The following PDP1 variants were observed in gnomAD, a reference collection of about 807,000 sequenced individuals.
PDP1 encodes the protein pyruvate dehydrogenase phosphatase catalytic subunit 1, also known as pyruvate dehyrogenase phosphatase catalytic subunit 1.
PDP1 carries 14 observed loss-of-function variants against 37.1 expected under a neutral mutation model. That is an observed-to-expected ratio of 0.38 (90% CI 0.25 to 0.59). The LOEUF (loss-of-function observed/expected upper bound fraction) is 0.59, where lower values mean the gene tolerates loss of function less well. PDP1 is among the 20% of genes least tolerant of loss of function. PDP1 has a pLI of 0.67. For synonymous variants in PDP1, 251 were observed against 243.3 expected (o/e 1.03, Z -0.29); for missense variants, 544 against 655.3 (o/e 0.83, Z 1.85).
Position 93,916,936 on chromosome 8 carries a change from G to T in PDP1, c.-188G>T, listed in dbSNP as rs756885157. 1 of 389,748 alleles carries T rather than the reference G, an allele frequency of 2.6e-6. No individual in the cohort carries two copies. The highest frequency in any genetic ancestry group is 1.8e-5 in the South Asian group (1 of 54,702). The allele number at this position is 389,748 out of a possible 1,614,324, so 24.1% of individuals were successfully genotyped here. The stretch of plus-strand genomic sequence containing the variant: ...GCGGGGCAGGGTGGCGGCCCCGCAC[G>T]GTAGGGGAGCAGAGTGGGCAGGCCG... On this transcript the variant is annotated 5_prime_UTR_variant, in exon 1 of 2. Transcript: ENST00000297598.
chr8:93,923,511 CCACGCTGTGGGCAA>C lies in PDP1; in HGVS notation c.1455_1468del (p.His485GlnfsTer7), dbSNP rs771873073. On this transcript the variant is annotated frameshift_variant, in exon 2 of 2. Transcript: ENST00000297598. LOFTEE classifies it high-confidence loss of function. The surrounding 1 kb of genome is among the most constrained non-coding windows in gnomAD (Gnocchi z 4.3). ...AGAACGCAGCAACCCATCTCATTCG[CCACGCTGTGGGCAA>C]CAACGAGTTTGGGACTGTTGATCAT... 6.2e-6 allele frequency: 10 copies of C among 1,606,802 alleles called. No individual in the cohort carries two copies. Among genetic ancestry groups the C allele is most frequent in the Non-Finnish European group, 8.5e-6 (10 of 1,173,900 alleles).
rs755900273 is a variant in PDP1, at chr8:93,923,088, G to C, written c.1029G>C (p.Leu343=). ...AGAGTGTCGTGAAACAGGATCGGCT[G>C]CTTGGCTTGCTGATGCCATTTAGGG... ...EAKSVVKQDR[L]LGLLMPFRAF... is the part of the protein sequence containing the mutation. The change falls in exon 2 of 2, where the codon CTG becomes CTC. Residue 343 remains leucine, a synonymous_variant. Coordinates refer to ENST00000297598, the MANE Select transcript of PDP1 (RefSeq NM_018444.4). The surrounding 1 kb of genome is among the most constrained non-coding windows in gnomAD (Gnocchi z 4.3). The C allele has an allele frequency of 4.7e-5, 76 of 1,614,044 alleles. No individual in the cohort carries two copies. Among genetic ancestry groups the C allele is most frequent in the Non-Finnish European group, 6.1e-5 (72 of 1,180,034 alleles).
Position 93,923,853 on chromosome 8 carries a change from C to T in PDP1, c.*180C>T, listed in dbSNP as rs577643189. ...AGCAGGGTGGCAGGGTCAGGAGAGT[C>T]TGGTCCTGCCTAGCTCAGATTTCAT... On this transcript the variant is annotated 3_prime_UTR_variant, in exon 2 of 2. Transcript: ENST00000297598. The surrounding 1 kb of genome is among the most constrained non-coding windows in gnomAD (Gnocchi z 4.3). The T allele has an allele frequency of 1.6e-6, 1 of 614,380 alleles. No individual in the cohort carries two copies. 38.1% of individuals were successfully genotyped at this position (614,380 alleles called of 1,614,324 possible).
rs1422544101 is a variant in PDP1, at chr8:93,925,678, G to A, written c.*2005G>A. ...AAATGCAGCATGAAGTTGACATTGT[G>A]GAAATGAAAGTAATTGGGTATTAGA... On this transcript the variant is annotated 3_prime_UTR_variant, in exon 2 of 2. Transcript: ENST00000297598. 1 of 166,988 alleles carries A rather than the reference G, an allele frequency of 6.0e-6. No homozygotes were observed. The highest frequency in any genetic ancestry group is 1.5e-5 in the Non-Finnish European group (1 of 68,098). 10.3% of individuals were successfully genotyped at this position (166,988 alleles called of 1,614,324 possible).
In PDP1 at chr8:93,924,589, T is replaced by C. The variant is rs1242327547; in HGVS notation, c.*916T>C. 1.2e-5 allele frequency: 2 copies of C among 167,110 alleles called. No individual in the cohort carries two copies. Among genetic ancestry groups the C allele is most frequent in the African/African-American group, 4.8e-5 (2 of 41,470 alleles). 10.4% of individuals were successfully genotyped at this position (167,110 alleles called of 1,614,324 possible). On this transcript the variant is annotated 3_prime_UTR_variant, in exon 2 of 2. Coordinates refer to ENST00000297598, the MANE Select transcript of PDP1 (RefSeq NM_018444.4). Reference sequence around the variant, plus strand: ...AATCGTACTTCTTATTTAGTAATGATAAGACTTTTCATTATTTTTGGAATT... The same window carrying C: ...AATCGTACTTCTTATTTAGTAATGACAAGACTTTTCATTATTTTTGGAATT...
rs191056577 is a variant in PDP1 at position 93,917,732 on chromosome 8, C to G, written c.-45+653C>G. 759 of 1,332,582 alleles carry G rather than the reference C, an allele frequency of 5.7e-4. 4 individuals are homozygous for G. In the African/African-American group the frequency reaches 9.0e-3, roughly 16 times the overall value. 82.5% of individuals were successfully genotyped at this position (1,332,582 alleles called of 1,614,324 possible). On this transcript the variant is annotated intron_variant, in intron 1 of 1. Transcript: ENST00000297598. ...TTATCCCTCCTCCATCCTCTTCCCC[C>G]CCACCTCCCAGCCCATTCACCGGGC...
At chr8:93,920,493 C>G (rs776080608) in intron 1 of PDP1, 16 of 928,812 alleles carry the variant, frequency 1.7e-5, no homozygotes, top group Non-Finnish European at 1.9e-5. Context: ...CTCAAGAATT[C>G]AGGGAAAATA....
At position 93,922,859 on chromosome 8, in the gene PDP1, T is replaced by G; in HGVS notation, c.800T>G (p.Val267Gly). ...TTTCTCAACTACCTGGTGCTTCGAG[T>G]GGCATTTTCTGGAGCCACTGCTTGT... ...NSFLNYLVLRVAFSGATACVA... is the reference protein window; with the variant it reads ...NSFLNYLVLRGAFSGATACVA... Residue 267 changes from valine to glycine, a missense_variant, in exon 2 of 2, where the codon GTG becomes GGG. By Grantham distance (109) the Val-to-Gly change is moderately radical. Around this residue, in one of 5 missense-constraint regions of PDP1, gnomAD observed 342 missense variants for 414.0 expected, o/e 0.83. Coordinates refer to ENST00000297598, the MANE Select transcript of PDP1 (RefSeq NM_018444.4). This position sits in a 1 kb window ranked among gnomAD's most constrained non-coding sequence, Gnocchi z 4.0. 1 of 1,614,148 alleles carries G rather than the reference T, an allele frequency of 6.2e-7. No individual in the cohort carries two copies. The highest frequency in any genetic ancestry group is 8.5e-7 in the Non-Finnish European group (1 of 1,180,034).
rs1191895405 is a variant in PDP1 at position 93,924,593 on chromosome 8, A to G, written c.*920A>G. On this transcript the variant is annotated 3_prime_UTR_variant, in exon 2 of 2. Transcript: ENST00000297598. ...GTACTTCTTATTTAGTAATGATAAG[A>G]CTTTTCATTATTTTTGGAATTTTAA... 5.4e-5 allele frequency: 9 copies of G among 167,092 alleles called. No homozygotes were observed. In the Admixed American group the frequency reaches 5.9e-4, roughly 11 times the overall value. 10.4% of individuals were successfully genotyped at this position (167,092 alleles called of 1,614,324 possible). A position where few individuals can be genotyped will look rare whatever the true frequency, so the allele number is the denominator to read the frequency against.
chr8:93,920,609 G>A (rs1313763658), intron 1 of PDP1: 5 of 956,662 alleles, frequency 5.2e-6, no homozygotes, highest in Non-Finnish European at 5.0e-6. Flanking sequence ...TATTTTCAGC[G>A]CACATAGTGA....
intron 1 of PDP1, chr8:93,920,866 A>G: frequency 1.3e-6 from 1 of 799,904 alleles, no homozygotes; most frequent in Non-Finnish European, 1.5e-6. Flanking sequence ...GACATTGTGT[A>G]ATGATCAAAT....
chr8:93,922,518 G>A lies in PDP1; in HGVS notation c.459G>A (p.Gln153=). Residue 153 remains glutamine, a synonymous_variant, in exon 2 of 2, where the codon CAG becomes CAA. Coordinates refer to ENST00000297598, the MANE Select transcript of PDP1 (RefSeq NM_018444.4). This position sits in a 1 kb window ranked among gnomAD's most constrained non-coding sequence, Gnocchi z 4.0. ...FDGHAGCACS[Q]AVSERLFYYI... is the part of the protein sequence containing the mutation. ...GCCATGCAGGTTGTGCTTGTTCCCAGGCAGTCAGTGAAAGACTCTTTTATT... is the reference window on the plus strand; with the variant it reads ...GCCATGCAGGTTGTGCTTGTTCCCAAGCAGTCAGTGAAAGACTCTTTTATT... 1 of 1,613,916 alleles carries A rather than the reference G, an allele frequency of 6.2e-7. No individual in the cohort carries two copies. Among genetic ancestry groups the A allele is most frequent in the Non-Finnish European group, 8.5e-7 (1 of 1,180,042 alleles).
chr8:93,926,063 TC>T lies in PDP1; in HGVS notation c.*2391del, dbSNP rs745781350. The T allele has an allele frequency of 6.1e-6, 1 of 164,618 alleles. No homozygotes were observed. Among genetic ancestry groups the T allele is most frequent in the African/African-American group, 2.4e-5 (1 of 41,470 alleles). The allele number at this position is 164,618 out of a possible 1,614,324, so 10.2% of individuals were successfully genotyped here. ...GTGAATTAAAGCTTCATATCTGCTT[TC>T]TGAATGTCCTGTGTTGGTTTTTAAT... On this transcript the variant is annotated 3_prime_UTR_variant, in exon 2 of 2. Coordinates refer to ENST00000297598, the MANE Select transcript of PDP1 (RefSeq NM_018444.4).
Position 93,917,065 on chromosome 8 carries a change from C to T in PDP1, c.-59C>T, listed in dbSNP as rs1357634845. 1 of 480,348 alleles carries T rather than the reference C, an allele frequency of 2.1e-6. No homozygotes were observed. Among genetic ancestry groups the T allele is most frequent in the African/African-American group, 2.1e-5 (1 of 48,308 alleles). The allele number at this position is 480,348 out of a possible 1,614,324, so 29.8% of individuals were successfully genotyped here. A position where few individuals can be genotyped will look rare whatever the true frequency, so the allele number is the denominator to read the frequency against. On this transcript the variant is annotated 5_prime_UTR_variant, in exon 1 of 2. Transcript: ENST00000297598. ...TCCTCGTCGGGAAGAATCGTTTGGTCTCCTGCCGTGCCCGGTTCGTATTCC... is the reference window on the plus strand; with the variant it reads ...TCCTCGTCGGGAAGAATCGTTTGGTTTCCTGCCGTGCCCGGTTCGTATTCC...
chr8:93,917,631 C>T, intron 1 of PDP1: 2 of 563,352 alleles, frequency 3.6e-6, no homozygotes, highest in East Asian at 3.2e-5. Flanking sequence ...GCCTGGGCCC[C>T]GCTGCCTTGG....
chr8:93,918,467 A>G (rs940015111), intron 1 of PDP1, among the ~76,000 whole-genome samples: 6 of 152,208 alleles, frequency 3.9e-5, no homozygotes, highest in African/African-American at 1.4e-4. Context: ...GGCTCTGCTA[A>G]GCACATCAGT....
intron 1 of PDP1, chr8:93,917,908 CAGG>C (rs1271009598): frequency 6.2e-7 from 1 of 1,613,954 alleles, no homozygotes; most frequent in South Asian, 1.1e-5. Context: ...GTTGTGATGA[CAGG>C]AGAATGTGTG....
chr8:93,917,472 C>T (rs1473819614), intron 1 of PDP1, among the ~76,000 whole-genome samples: 1 of 151,678 alleles, frequency 6.6e-6, no homozygotes, highest in Non-Finnish European at 1.5e-5. Context: ...TGACACCGGC[C>T]GGCCCCTGTT....
At chr8:93,921,515 T>C (rs975857114) in intron 1 of PDP1, among the ~76,000 whole-genome samples, 4 of 152,258 alleles carry the variant, frequency 2.6e-5, no homozygotes, top group Admixed American at 2.6e-4. Flanking sequence ...CTTAACATTT[T>C]TGGTCATAGC....
Sources: gnomAD v4.1 joint callset for allele counts (sites outside exome capture counted in the v4.1 genomes callset) on GRCh38, gnomAD v4.1.1 for gene constraint, gnomAD v4.1.1 regional missense constraint, Gnocchi (gnomAD v3.1) non-coding constraint, MANE v1.5 for transcripts, NCBI Gene and HGNC (gene_info 2026-07-23, HGNC 2026-07-21) for gene names.